The following CPNE8 variants were observed in gnomAD, a reference collection of about 807,000 sequenced individuals.
The protein encoded by CPNE8 is copine-8.
CPNE8 carries 45 observed loss-of-function variants against 81.5 expected under a neutral mutation model. That is an observed-to-expected ratio of 0.55 (90% CI 0.44 to 0.71). The LOEUF (loss-of-function observed/expected upper bound fraction) is 0.71. Ranked by LOEUF, CPNE8 falls within the 30% of genes least tolerant of loss-of-function variation. CPNE8 has a pLI of 0.00. For synonymous variants in CPNE8, 252 were observed against 226.3 expected, an observed-to-expected ratio of 1.11 and a Z score of -1.02; for missense variants, 594 against 672.1, an observed-to-expected ratio of 0.88 and a Z score of 1.28.
At chr12:38,741,142 A>G (rs1941090866) in intron 10 of CPNE8, among the ~76,000 whole-genome samples, 1 of 152,174 alleles carries the variant, frequency 6.6e-6, no homozygotes, top group Admixed American at 6.5e-5. Flanking sequence ...ATCCCCATCA[A>G]GCTACCAATG....
chr12:38,664,684 A>G (rs1480983117), intron 19 of CPNE8, among the ~76,000 whole-genome samples: 1 of 152,170 alleles, frequency 6.6e-6, no homozygotes, highest in African/African-American at 2.4e-5. Flanking sequence ...CATAAAAACT[A>G]AGGCTCATAA....
chr12:38,782,491 C>T (rs1238881381), intron 6 of CPNE8, among the ~76,000 whole-genome samples: 3 of 152,070 alleles, frequency 2.0e-5, no homozygotes, highest in African/African-American at 7.2e-5. Flanking sequence ...AATTCACTCT[C>T]AAGTATTTAG....
chr12:38,728,926 C>T (rs1940767894), intron 11 of CPNE8, among the ~76,000 whole-genome samples: 1 of 152,060 alleles, frequency 6.6e-6, no homozygotes, highest in Non-Finnish European at 1.5e-5. Context: ...AAGTCATGGC[C>T]TTACAGGGTA....
chr12:38,788,763 T>G (rs1942257926), intron 6 of CPNE8, among the ~76,000 whole-genome samples: 1 of 151,752 alleles, frequency 6.6e-6, no homozygotes, highest in Non-Finnish European at 1.5e-5. Flanking sequence ...TTCAGTAAAT[T>G]GAAGGATATA....
intron 14 of CPNE8, among the ~76,000 whole-genome samples, chr12:38,700,718 C>T (rs546816754): frequency 6.6e-6 from 1 of 152,208 alleles, no homozygotes; most frequent in East Asian, 1.9e-4. Context: ...CCCATAATTC[C>T]CATGTGCCAT....
chr12:38,776,483 T>A (rs1051379483), intron 6 of CPNE8, among the ~76,000 whole-genome samples, 182 bp from the exon 7 acceptor site: 5 of 151,734 alleles, frequency 3.3e-5, no homozygotes, highest in African/African-American at 1.2e-4. Flanking sequence ...ATTTTGTATG[T>A]TTTTTTAGCA....
At chr12:38,780,213 G>A (rs570235069) in intron 6 of CPNE8, among the ~76,000 whole-genome samples, 72 of 152,090 alleles carry the variant, frequency 4.7e-4, no homozygotes, top group Non-Finnish European at 9.0e-4. Flanking sequence ...TAAAAAATCA[G>A]TTGACTATAT....
intron 7 of CPNE8, among the ~76,000 whole-genome samples, chr12:38,774,966 C>T (rs1181725739): frequency 6.6e-6 from 1 of 152,106 alleles, no homozygotes; most frequent in Non-Finnish European, 1.5e-5. Context: ...CTATTGTTAT[C>T]TCACTGTTCT....
intron 6 of CPNE8, among the ~76,000 whole-genome samples, chr12:38,806,405 T>A (rs1942804080): frequency 6.7e-6 from 1 of 149,240 alleles, no homozygotes; most frequent in South Asian, 2.2e-4. Context: ...TTATCCACCA[T>A]GATCAAGTGG....
rs1175173575 is a variant in CPNE8 at position 38,653,624 on chromosome 12, A to AAAAAAGAAAG, written c.*257_*258insCTTTCTTTTT. On this transcript the variant is annotated 3_prime_UTR_variant, in exon 20 of 20. Coordinates refer to ENST00000331366, the MANE Select transcript of CPNE8 (RefSeq NM_153634.3). Reference sequence around the variant, plus strand: ...GAAATTAGCTGTTTCTGTTAAAAAAAAAAAGAAAGAAAGATTTAGAGAAGA... The same window carrying AAAAAAGAAAG: ...GAAATTAGCTGTTTCTGTTAAAAAAAAAAAAGAAAGAAAAGAAAGAAAGATTTAGAGAAGA... 2 of 287,348 alleles carry AAAAAAGAAAG rather than the reference A, an allele frequency of 7.0e-6. No homozygotes were observed. Among genetic ancestry groups the AAAAAAGAAAG allele is most frequent in the Non-Finnish European group, 6.6e-6 (1 of 152,042 alleles). 17.8% of individuals were successfully genotyped at this position (287,348 alleles called of 1,614,324 possible). A position where few individuals can be genotyped will look rare whatever the true frequency, so the allele number is the denominator to read the frequency against.
chr12:38,693,045 T>C (rs861161), intron 15 of CPNE8, among the ~76,000 whole-genome samples: 149,744 of 152,296 alleles, frequency 0.98, 73,656 homozygotes, highest in Middle Eastern at 1. Flanking sequence ...ACAGGCCATA[T>C]GTAAAACAAG....
chr12:38,697,877 C>T (rs944378744), intron 14 of CPNE8, among the ~76,000 whole-genome samples: 1 of 152,138 alleles, frequency 6.6e-6, no homozygotes, highest in African/African-American at 2.4e-5. Flanking sequence ...TGATTGAAAG[C>T]TTCCTGGGCC....
chr12:38,897,846 C>T (rs1944409871), intron 1 of CPNE8, among the ~76,000 whole-genome samples: 1 of 152,142 alleles, frequency 6.6e-6, no homozygotes, highest in Non-Finnish European at 1.5e-5. Flanking sequence ...TTTTATCTCA[C>T]TTACATGTAT....
chr12:38,782,903 C>A (rs1052310697), intron 6 of CPNE8, among the ~76,000 whole-genome samples: 1 of 152,068 alleles, frequency 6.6e-6, no homozygotes, highest in Admixed American at 6.6e-5. Flanking sequence ...TGTTCTCAAA[C>A]TACTGGGCTC....
chr12:38,785,449 A>T (rs774093769), intron 6 of CPNE8, among the ~76,000 whole-genome samples: 26 of 151,974 alleles, frequency 1.7e-4, no homozygotes, highest in Non-Finnish European at 2.2e-4. Flanking sequence ...TTGTGGAGGG[A>T]CCTGGTGGGA....
chr12:38,743,643 C>T lies in CPNE8; in HGVS notation c.723-13285G>A, dbSNP rs982417550. Among the ~76,000 whole-genome samples, 10 of 152,034 alleles carry T rather than the reference C, an allele frequency of 6.6e-5. No homozygotes were observed. The East Asian group carries it at 1.3e-3, about 20-fold the overall frequency. ...TAAAAATTATGAGTATCTAAAACTACGTGCATAAGCAGGCTGGAACTAAGA... is the reference window on the plus strand; with the variant it reads ...TAAAAATTATGAGTATCTAAAACTATGTGCATAAGCAGGCTGGAACTAAGA... On this transcript the variant is annotated intron_variant, in intron 10 of 19. Coordinates refer to ENST00000331366, the MANE Select transcript of CPNE8 (RefSeq NM_153634.3).
intron 7 of CPNE8, among the ~76,000 whole-genome samples, chr12:38,768,437 A>T (rs1318317282): frequency 1.3e-5 from 2 of 152,216 alleles, no homozygotes; most frequent in Non-Finnish European, 2.9e-5. Flanking sequence ...CATTATTGAT[A>T]ACCATTTTTA....
chr12:38,809,342 T>C (rs1377323075), intron 6 of CPNE8, among the ~76,000 whole-genome samples: 1 of 152,166 alleles, frequency 6.6e-6, no homozygotes, highest in African/African-American at 2.4e-5. Flanking sequence ...CAGCAACAAG[T>C]AGGTTGAGTG....
At chr12:38,772,966 A>C (rs1941838258) in intron 7 of CPNE8, among the ~76,000 whole-genome samples, 1 of 152,092 alleles carries the variant, frequency 6.6e-6, no homozygotes, top group Non-Finnish European at 1.5e-5. Flanking sequence ...AAACAATGGA[A>C]TATTATTCAG....
Sources: gnomAD v4.1 joint callset for allele counts (sites outside exome capture counted in the v4.1 genomes callset) on GRCh38, gnomAD v4.1.1 for gene constraint, MANE v1.5 for transcripts, NCBI Gene and HGNC (gene_info 2026-07-23, HGNC 2026-07-21) for gene names.